ARMC2: variants seen among roughly 807,000 people sequenced by gnomAD.
ARMC2 encodes armadillo repeat-containing protein 2.
In ARMC2, 67 loss-of-function variants were observed where a neutral mutation model predicts 90.3. That is an observed-to-expected ratio of 0.74 (90% CI 0.61 to 0.91). ARMC2 has a LOEUF of 0.91. Among genes scored for constraint, ARMC2 ranks in the 40% least tolerant of loss-of-function variants. The pLI is 0.00. For synonymous variants in ARMC2, 393 were observed against 393.0 expected (o/e 1.00, Z 0.00); for missense variants, 920 against 1,030.9 (o/e 0.89, Z 1.47).
the ARMC2 span, chr6:109,000,644 T>C: frequency 6.2e-7 from 1 of 1,608,692 alleles, no homozygotes; most frequent in African/African-American, 1.3e-5. Flanking sequence ...GCAGGTTCAC[T>C]AAGTAGGAGC....
chr6:109,031,596 C>A, the ARMC2 span, among the ~76,000 whole-genome samples: 87 of 152,274 alleles, frequency 5.7e-4, no homozygotes, highest in Middle Eastern at 3.4e-3. Context: ...AGTTAGATGT[C>A]CTCCTTTGAA....
chr6:108,958,420 C>T (rs1265280225), intron 13 of ARMC2, among the ~76,000 whole-genome samples: 4 of 152,126 alleles, frequency 2.6e-5, no homozygotes, highest in African/African-American at 7.2e-5. Context: ...TGGTAAAGTG[C>T]CTAGTGCTGT....
chr6:108,849,432 TGAC>T (rs1773776900), intron 1 of ARMC2, among the ~76,000 whole-genome samples: 1 of 152,178 alleles, frequency 6.6e-6, no homozygotes, highest in South Asian at 2.1e-4. Context: ...GTAATGTAAA[TGAC>T]GAGTTGATGG....
intron 15 of ARMC2, among the ~76,000 whole-genome samples, chr6:108,963,925 GC>G (rs1778171620): frequency 1.3e-5 from 2 of 152,212 alleles, no homozygotes; most frequent in African/African-American, 4.8e-5. Flanking sequence ...CTCTTTCACT[GC>G]CGTGGAGAAG....
intron 8 of ARMC2, among the ~76,000 whole-genome samples, chr6:108,906,633 C>T (rs545038806): frequency 1.3e-5 from 2 of 152,150 alleles, no homozygotes; most frequent in South Asian, 2.1e-4. Flanking sequence ...AGGCATGCAC[C>T]ACCACACCTG....
At chr6:108,853,479 T>C (rs1774209549) in intron 1 of ARMC2, among the ~76,000 whole-genome samples, 1 of 152,108 alleles carries the variant, frequency 6.6e-6, no homozygotes, top group Non-Finnish European at 1.5e-5. Context: ...TTATGGACTT[T>C]GAGTTTTTTT....
downstream of ARMC2, among the ~76,000 whole-genome samples, chr6:108,978,747 A>G (rs1007367813): frequency 2.0e-5 from 3 of 152,100 alleles, no homozygotes; most frequent in African/African-American, 7.2e-5. Flanking sequence ...ACCATTAGGT[A>G]ATGCCCTTCT....
intron 3 of ARMC2, among the ~76,000 whole-genome samples, chr6:108,867,915 CAA>C (rs1197464357): frequency 1.3e-5 from 2 of 152,054 alleles, no homozygotes; most frequent in East Asian, 3.9e-4. Flanking sequence ...GCCTGGGTGA[CAA>C]GAGTGAAACT....
chr6:108,926,648 G>A (rs1168500872), intron 10 of ARMC2, among the ~76,000 whole-genome samples: 1 of 152,100 alleles, frequency 6.6e-6, no homozygotes, highest in Non-Finnish European at 1.5e-5. Flanking sequence ...TTGCTTGAAT[G>A]GGGGAGGCAG....
chr6:109,030,429 G>A, the ARMC2 span, among the ~76,000 whole-genome samples: 1 of 152,168 alleles, frequency 6.6e-6, no homozygotes, highest in Non-Finnish European at 1.5e-5. Flanking sequence ...ATACCAAGGG[G>A]AAAAGACAGT....
intron 11 of ARMC2, among the ~76,000 whole-genome samples, chr6:108,929,672 G>A (rs1446973375): frequency 6.6e-6 from 1 of 152,100 alleles, no homozygotes; most frequent in Non-Finnish European, 1.5e-5. Context: ...TTGTGGAAAC[G>A]AAGTCTTGCT....
At position 108,956,790 on chromosome 6, in the gene ARMC2, A is replaced by G. The variant is rs535181009; in HGVS notation, c.1915+3439A>G. Among the ~76,000 whole-genome samples the G allele has an allele frequency of 3.9e-5, 6 of 152,164 alleles. No individual in the cohort carries two copies. In the South Asian group the frequency reaches 1.0e-3, roughly 26 times the overall value. On this transcript the variant is annotated intron_variant, in intron 13 of 17. Coordinates refer to ENST00000392644, the MANE Select transcript of ARMC2 (RefSeq NM_032131.6). ...GCAGATCACTTGAGGTCAGGAGTTCAAGACCAGCCTGGCCAACATGGCAAA... is the reference window on the plus strand; with the variant it reads ...GCAGATCACTTGAGGTCAGGAGTTCGAGACCAGCCTGGCCAACATGGCAAA...
At chr6:109,031,586 A>C in the ARMC2 span, among the ~76,000 whole-genome samples, 1 of 152,104 alleles carries the variant, frequency 6.6e-6, no homozygotes, top group Non-Finnish European at 1.5e-5. Flanking sequence ...TCCTGGTCTG[A>C]GTTAGATGTC....
chr6:108,924,875 G>A (rs1774961283), intron 10 of ARMC2, among the ~76,000 whole-genome samples: 2 of 152,140 alleles, frequency 1.3e-5, no homozygotes, highest in South Asian at 2.1e-4. Flanking sequence ...GAGATGAAGT[G>A]AGCTTAAACT....
At chr6:109,051,534 A>G in the ARMC2 span, among the ~76,000 whole-genome samples, 4 of 152,308 alleles carry the variant, frequency 2.6e-5, no homozygotes, top group East Asian at 1.9e-4. Context: ...GAGGTCAAAG[A>G]TGGGGTTCTA....
chr6:108,948,889 T>G (rs1272454086), intron 12 of ARMC2, among the ~76,000 whole-genome samples: 1 of 152,124 alleles, frequency 6.6e-6, no homozygotes, highest in Non-Finnish European at 1.5e-5. Context: ...AAATCTATTT[T>G]TTACCAGGAT....
At chr6:108,881,446 G>C (rs1777575564) in intron 5 of ARMC2, among the ~76,000 whole-genome samples, 1 of 152,014 alleles carries the variant, frequency 6.6e-6, no homozygotes, top group Admixed American at 6.6e-5. Context: ...ATTATAACAA[G>C]GGGTAATTTG....
At chr6:109,005,312 G>A in the ARMC2 span, among the ~76,000 whole-genome samples, 1 of 152,148 alleles carries the variant, frequency 6.6e-6, no homozygotes, top group African/African-American at 2.4e-5. Context: ...TGGGGAAGGG[G>A]AGGAGAAGCA....
intron 3 of ARMC2, among the ~76,000 whole-genome samples, chr6:108,860,838 G>T (rs1775161953): frequency 6.6e-6 from 1 of 152,128 alleles, no homozygotes; most frequent in African/African-American, 2.4e-5. Flanking sequence ...CTGTAAAGAA[G>T]TATCTTCCAC....
Sources: allele counts gnomAD v4.1 joint callset (sites outside exome capture counted in the v4.1 genomes callset), GRCh38; gene constraint gnomAD v4.1.1; transcripts MANE v1.5; gene names NCBI Gene and HGNC (gene_info 2026-07-23, HGNC 2026-07-21).